Variants in PDSS2 observed in about 807,000 individuals in gnomAD.
PDSS2 encodes the protein decaprenyl diphosphate synthase subunit 2.
Under a neutral mutation model 44.5 loss-of-function variants are expected in PDSS2, and 31 were observed. The observed-to-expected ratio is 0.70, with a 90% CI of 0.52 to 0.94. The LOEUF (loss-of-function observed/expected upper bound fraction) is 0.94, where lower values mean the gene tolerates loss of function less well. PDSS2 is among the 40% of genes least tolerant of loss of function. The pLI, the probability that PDSS2 is intolerant of heterozygous loss-of-function variation, is 0.00. For synonymous variants in PDSS2, 157 were observed against 180.3 expected (o/e 0.87, Z 1.03); for missense variants, 452 against 482.2 (o/e 0.94, Z 0.59).
rs192077001 is a variant in PDSS2, at chr6:107,204,105, G to A, written c.1008+6334C>T. 6.0e-3 allele frequency among the ~76,000 whole-genome samples: 914 copies of A among 152,116 alleles called. 11 individuals are homozygous for A. The highest frequency in any genetic ancestry group is 0.021 in the African/African-American group (870 of 41,480). On this transcript the variant is annotated intron_variant, in intron 6 of 7. Coordinates refer to ENST00000369037, the MANE Select transcript of PDSS2 (RefSeq NM_020381.4). ...CTACGGGTGCCTATTACCACACCCGGCAAATTTCTGTATTTTTAGTAGAGA... is the reference window on the plus strand; with the variant it reads ...CTACGGGTGCCTATTACCACACCCGACAAATTTCTGTATTTTTAGTAGAGA...
At chr6:107,287,755 C>T (rs1241587526) in intron 2 of PDSS2, among the ~76,000 whole-genome samples, 1 of 152,164 alleles carries the variant, frequency 6.6e-6, no homozygotes, top group Non-Finnish European at 1.5e-5. Flanking sequence ...CTCCTGACCT[C>T]AGGTGATCCA....
At chr6:107,429,985 T>C (rs1781142600) in intron 1 of PDSS2, among the ~76,000 whole-genome samples, 1 of 141,636 alleles carries the variant, frequency 7.1e-6, no homozygotes, top group South Asian at 2.4e-4. Flanking sequence ...CATCCCCAAA[T>C]GTCTCCCCTT....
chr6:107,386,639 G>A (rs1035446299), intron 1 of PDSS2, among the ~76,000 whole-genome samples: 14 of 152,108 alleles, frequency 9.2e-5, no homozygotes, highest in Non-Finnish European at 1.6e-4. Context: ...AGGGCCAATC[G>A]AAGTTAAATA....
At chr6:107,256,115 C>T (rs1011095830) in intron 3 of PDSS2, among the ~76,000 whole-genome samples, 2 of 152,112 alleles carry the variant, frequency 1.3e-5, no homozygotes, top group Admixed American at 6.5e-5. Context: ...TTCAGCCTCC[C>T]GAGTAGCTGG....
chr6:107,258,752 G>A (rs1775112785), intron 3 of PDSS2, among the ~76,000 whole-genome samples: 1 of 152,072 alleles, frequency 6.6e-6, no homozygotes, highest in African/African-American at 2.4e-5. Flanking sequence ...GCAGTGAGCT[G>A]AGATTGTGCC....
chr6:107,195,528 G>T (rs1463857095), intron 6 of PDSS2, among the ~76,000 whole-genome samples: 1 of 144,848 alleles, frequency 6.9e-6, no homozygotes, highest in East Asian at 2.0e-4. Flanking sequence ...TGCTGCTTTA[G>T]AATCTTTTAA....
chr6:107,168,553 T>C (rs1246342412), intron 7 of PDSS2, among the ~76,000 whole-genome samples: 1 of 151,686 alleles, frequency 6.6e-6, no homozygotes, highest in East Asian at 1.9e-4. Flanking sequence ...CGTTACTGGA[T>C]GCAGTTTCTT....
intron 1 of PDSS2, among the ~76,000 whole-genome samples, chr6:107,446,752 T>A (rs774791226): frequency 3.3e-5 from 5 of 152,120 alleles, no homozygotes; most frequent in African/African-American, 9.7e-5. Flanking sequence ...TCAGATCTCA[T>A]GAGAACTCAC....
At chr6:107,274,495 G>A (rs962320834) in intron 2 of PDSS2, among the ~76,000 whole-genome samples, 4 of 151,992 alleles carry the variant, frequency 2.6e-5, no homozygotes, top group Non-Finnish European at 4.4e-5. Context: ...CCAGTGGAGG[G>A]CCACCTTCCA....
chr6:107,367,133 A>T (rs1215880738), intron 1 of PDSS2, among the ~76,000 whole-genome samples: 1 of 152,202 alleles, frequency 6.6e-6, no homozygotes, highest in East Asian at 1.9e-4. Flanking sequence ...CTCATATACC[A>T]CGACTAAGTG....
chr6:107,372,553 G>A (rs563270988), intron 1 of PDSS2, among the ~76,000 whole-genome samples: 92 of 152,168 alleles, frequency 6.0e-4, no homozygotes, highest in Non-Finnish European at 1.2e-3. Context: ...CCGGGTTCAT[G>A]CCATTCTCCT....
Position 107,345,798 on chromosome 6 carries a change from G to A in PDSS2, c.297-11466C>T, listed in dbSNP as rs138386878. ...AGTTCAAAAATTTTAGGAAAATCTC[G>A]TTTATTTTTCCAGAATCAACATTGA... On this transcript the variant is annotated intron_variant, in intron 1 of 7. Coordinates refer to ENST00000369037, the MANE Select transcript of PDSS2 (RefSeq NM_020381.4). Among the ~76,000 whole-genome samples the A allele has an allele frequency of 1.7e-3, 258 of 152,212 alleles. 5 individuals are homozygous for A. The highest frequency in any genetic ancestry group is 5.9e-4 in the Non-Finnish European group (40 of 68,000).
intron 4 of PDSS2, among the ~76,000 whole-genome samples, chr6:107,213,693 G>T (rs1773309452): frequency 6.6e-6 from 1 of 152,086 alleles, no homozygotes; most frequent in African/African-American, 2.4e-5. Flanking sequence ...GGTGGGAGAG[G>T]TTGCAGTGAG....
chr6:107,245,504 C>T (rs187186862), intron 4 of PDSS2, 44 bp downstream of exon 4: 137 of 1,038,304 alleles, frequency 1.3e-4, no homozygotes, highest in Middle Eastern at 1.2e-3. Context: ...AGTTGTACCA[C>T]GACGGTTTAT....
chr6:107,170,701 C>T (rs1159492298), intron 7 of PDSS2, among the ~76,000 whole-genome samples: 3 of 151,880 alleles, frequency 2.0e-5, no homozygotes, highest in African/African-American at 2.4e-5. Flanking sequence ...CAACCTCCAC[C>T]TCCCAGGTTC....
At chr6:107,255,394 G>A (rs1342579676) in intron 3 of PDSS2, among the ~76,000 whole-genome samples, 1 of 151,676 alleles carries the variant, frequency 6.6e-6, no homozygotes, top group Non-Finnish European at 1.5e-5. Flanking sequence ...GTTTTGCCAT[G>A]TTGTCCAGGC....
chr6:107,193,732 T>G (rs539535560), intron 7 of PDSS2, 90 bp downstream of exon 7: 1 of 825,246 alleles, frequency 1.2e-6, no homozygotes, highest in Admixed American at 1.7e-5. Context: ...CTCAATGTGA[T>G]CATTCTCTTT....
Position 107,455,425 on chromosome 6 carries a change from T to C in PDSS2, c.296+3565A>G, listed in dbSNP as rs971734634. 6.6e-5 allele frequency among the ~76,000 whole-genome samples: 10 copies of C among 151,792 alleles called. No homozygotes were observed. In the East Asian group the frequency reaches 1.2e-3, roughly 18 times the overall value. ...CCTATCATTGACACTATCATTTCCA[T>C]CAAACACAAAGAAACCTCCTTCTGG... On this transcript the variant is annotated intron_variant, in intron 1 of 7. Transcript: ENST00000369037.
At chr6:107,352,755 A>G (rs1209652454) in intron 1 of PDSS2, among the ~76,000 whole-genome samples, 1 of 152,198 alleles carries the variant, frequency 6.6e-6, no homozygotes, top group Non-Finnish European at 1.5e-5. Context: ...GGCAATGTCA[A>G]AAGAGATATT....
Sources: gnomAD v4.1 joint callset for allele counts (sites outside exome capture counted in the v4.1 genomes callset) on GRCh38, gnomAD v4.1.1 for gene constraint, MANE v1.5 for transcripts, NCBI Gene and HGNC (gene_info 2026-07-23, HGNC 2026-07-21) for gene names.